ADH5: variants seen among roughly 807,000 people sequenced by gnomAD.
The protein encoded by ADH5 is alcohol dehydrogenase class-3.
A neutral mutation model predicts 40.3 loss-of-function variants in ADH5; 32 were observed. The ratio of observed to expected loss-of-function variants is 0.79; its 90% confidence interval spans 0.60 to 1.07. The LOEUF is 1.07. Ranked by LOEUF, ADH5 falls within the 50% of genes least tolerant of loss-of-function variation. The pLI is 0.00. For missense variants in ADH5, 353 were observed against 460.5 expected, an observed-to-expected ratio of 0.77 and a Z score of 2.14; for synonymous variants, 125 against 154.3, an observed-to-expected ratio of 0.81 and a Z score of 1.41.
Position 99,074,177 on chromosome 4 carries a change from AT to A in ADH5, c.961+736del, listed in dbSNP as rs574585011. On this transcript the variant is annotated intron_variant, in intron 7 of 8. Transcript: ENST00000296412. ...GATCATTCAAAACACACACTATGTG[AT>A]TTTTTTTCTTTAGGAGGAGGATGAA... is the stretch of plus-strand genomic sequence containing the variant. 9.2e-5 allele frequency among the ~76,000 whole-genome samples: 14 copies of A among 152,100 alleles called. 1 individual carries two copies. The South Asian group carries it at 2.7e-3, about 29-fold the overall frequency.
At position 99,072,300 on chromosome 4, in the gene ADH5, A is replaced by C. The variant is rs1727848826; in HGVS notation, c.*117T>G. ...ATTCATGAATGACACACATAACCCT[A>C]TTTTCTGGAGTAGCTGTGAAGCTCT... On this transcript the variant is annotated 3_prime_UTR_variant, in exon 9 of 9. Transcript: ENST00000296412. 5.7e-6 allele frequency: 5 copies of C among 879,882 alleles called. No individual in the cohort carries two copies. Among genetic ancestry groups the C allele is most frequent in the Non-Finnish European group, 7.0e-6 (4 of 568,540 alleles). 54.5% of individuals were successfully genotyped at this position (879,882 alleles called of 1,614,324 possible). A position where few individuals can be genotyped will look rare whatever the true frequency, so the allele number is the denominator to read the frequency against.
At chr4:99,079,406 ACT>A (rs1727985675) in intron 4 of ADH5, among the ~76,000 whole-genome samples, 1 of 139,066 alleles carries the variant, frequency 7.2e-6, no homozygotes, top group African/African-American at 2.7e-5. Flanking sequence ...GCACTGCATG[ACT>A]CTATTTATAC....
At chr4:99,075,179 G>T in intron 6 of ADH5, 130 bp from the exon 7 acceptor site, 3 of 722,366 alleles carry the variant, frequency 4.2e-6, no homozygotes, top group Non-Finnish European at 6.4e-6. Context: ...TTAACATTTA[G>T]TGAGCTCAAT....
At position 99,082,729 on chromosome 4, in the gene ADH5, T is replaced by C. The variant is rs137901610; in HGVS notation, c.115-613A>G. On this transcript the variant is annotated intron_variant, in intron 2 of 8. Transcript: ENST00000296412. ...TCTCGCTCTATCACCCAGGCTGGAG[T>C]GCAGTGGCATGATCTCGGCTCACTG... 7.5e-3 allele frequency among the ~76,000 whole-genome samples: 1,147 copies of C among 152,260 alleles called. 11 individuals carry two copies. Among genetic ancestry groups the C allele is most frequent in the Non-Finnish European group, 9.1e-3 (619 of 68,016 alleles).
Position 99,081,974 on chromosome 4 carries a change from C to T in ADH5, c.256+1G>A. ...ACAAGTGGTTCAAGTATTCTCCTTA[C>T]CCGCCTTCAGCTTAGTAACTCCCTC... On this transcript the variant is annotated splice_donor_variant, in intron 3 of 8. Coordinates refer to ENST00000296412, the MANE Select transcript of ADH5 (RefSeq NM_000671.4). LOFTEE classifies it high-confidence loss of function. The T allele has an allele frequency of 6.8e-6, 11 of 1,613,630 alleles. No homozygotes were observed. Among genetic ancestry groups the T allele is most frequent in the Non-Finnish European group, 9.3e-6 (11 of 1,179,670 alleles).
rs562040312 is a variant in ADH5, at chr4:99,071,163, C to G, written c.*1254G>C. On this transcript the variant is annotated 3_prime_UTR_variant, in exon 9 of 9. Transcript: ENST00000296412. ...TACAAAGTTGAGCACAGGATATGAA[C>G]AGGTTCTTCACAATAAAATGTCCAT... The G allele has an allele frequency of 1.3e-5, 2 of 152,230 alleles. No individual in the cohort carries two copies. The highest frequency in any genetic ancestry group is 4.8e-5 in the African/African-American group (2 of 41,530). 9.4% of individuals were successfully genotyped at this position (152,230 alleles called of 1,614,324 possible). A position where few individuals can be genotyped will look rare whatever the true frequency, so the allele number is the denominator to read the frequency against.
intron 7 of ADH5, among the ~76,000 whole-genome samples, chr4:99,073,202 G>A (rs1054630550): frequency 3.9e-5 from 6 of 152,136 alleles, no homozygotes; most frequent in African/African-American, 9.7e-5. Flanking sequence ...TTTTTGAGAC[G>A]GAGTCTCGCT....
At chr4:99,086,592 T>C (rs1486426812) in intron 1 of ADH5, among the ~76,000 whole-genome samples, 1 of 152,144 alleles carries the variant, frequency 6.6e-6, no homozygotes, top group African/African-American at 2.4e-5. Context: ...AAAAGGTAAT[T>C]ATAAATGGTG....
chr4:99,082,573 G>A (rs1208735809), intron 2 of ADH5, among the ~76,000 whole-genome samples: 3 of 152,152 alleles, frequency 2.0e-5, no homozygotes, highest in Non-Finnish European at 4.4e-5. Flanking sequence ...CTTGAGTCTG[G>A]ACCAAATTTC....
intron 4 of ADH5, among the ~76,000 whole-genome samples, chr4:99,077,884 C>G (rs1009821032): frequency 6.6e-6 from 1 of 152,160 alleles, no homozygotes; most frequent in Non-Finnish European, 1.5e-5. Flanking sequence ...GGTTCAAATC[C>G]TGTGTGATCT....
intron 4 of ADH5, chr4:99,079,819 C>T (rs1390851083): frequency 2.9e-6 from 1 of 347,804 alleles, no homozygotes; most frequent in Non-Finnish European, 5.5e-6. Flanking sequence ...CTCTCACTTA[C>T]TGGGCAGTGG....
chr4:99,085,697 C>T (rs373771174), intron 1 of ADH5: 6 of 176,990 alleles, frequency 3.4e-5, no homozygotes, highest in Middle Eastern at 8.8e-4. Flanking sequence ...GTAACTGCAC[C>T]GGCCAATACA....
chr4:99,072,393 T>C lies in ADH5; in HGVS notation c.*24A>G. ...CTGCTCCTATCACATCACGACAGGA[T>C]GGACATTATTTTTCTCTTTTGAATT... is the stretch of plus-strand genomic sequence containing the variant. On this transcript the variant is annotated 3_prime_UTR_variant, in exon 9 of 9. Transcript: ENST00000296412. The C allele has an allele frequency of 6.2e-7, 1 of 1,611,358 alleles. No individual in the cohort carries two copies. Among genetic ancestry groups the C allele is most frequent in the Non-Finnish European group, 8.5e-7 (1 of 1,178,634 alleles).
chr4:99,076,939 G>A lies in ADH5; in HGVS notation c.345-16C>T, dbSNP rs1579362074. The A allele has an allele frequency of 1.3e-6, 2 of 1,560,032 alleles. No individual in the cohort carries two copies. Among genetic ancestry groups the A allele is most frequent in the Admixed American group, 1.9e-5 (1 of 52,522 alleles). The stretch of plus-strand genomic sequence containing the variant: ...TTGAGTGACTCTAAAGAAAAAAAAA[G>A]GAAAAAGGCAAGTTGGAATTAGGTT... On this transcript the variant is annotated splice_polypyrimidine_tract_variant and intron_variant, in intron 4 of 8. Coordinates refer to ENST00000296412, the MANE Select transcript of ADH5 (RefSeq NM_000671.4).
Position 99,076,774 on chromosome 4 carries a change from G to A in ADH5, c.494C>T (p.Pro165Leu), listed in dbSNP as rs1477178186. 1.2e-6 allele frequency: 2 copies of A among 1,613,980 alleles called. No homozygotes were observed. The highest frequency in any genetic ancestry group is 1.7e-6 in the Non-Finnish European group (2 of 1,179,876). ...ACCTAGAAGGCAGACTTTATCCAAAGGTGCTAAAGGATCTATTTTAGCAAC... is the reference window on the plus strand; with the variant it reads ...ACCTAGAAGGCAGACTTTATCCAAAAGTGCTAAAGGATCTATTTTAGCAAC... ...ISVAKIDPLA[P>L]LDKVCLLGCG... The change falls in exon 5 of 9, where the codon CCT (proline) becomes CTT (leucine). Residue 165 changes from proline to leucine, a missense_variant. Transcript: ENST00000296412.
chr4:99,072,216 T>A lies in ADH5; in HGVS notation c.*201A>T. On this transcript the variant is annotated 3_prime_UTR_variant, in exon 9 of 9. Coordinates refer to ENST00000296412, the MANE Select transcript of ADH5 (RefSeq NM_000671.4). ...CTTAATAAACTAGCAATTATTTATGTGGAGGAGCATCCAGAAAACAGGTTC... is the reference window on the plus strand; with the variant it reads ...CTTAATAAACTAGCAATTATTTATGAGGAGGAGCATCCAGAAAACAGGTTC... The A allele has an allele frequency of 2.1e-6, 1 of 468,874 alleles. No individual in the cohort carries two copies. Among genetic ancestry groups the A allele is most frequent in the Non-Finnish European group, 3.9e-6 (1 of 258,718 alleles). The allele number at this position is 468,874 out of a possible 1,614,324, so 29.0% of individuals were successfully genotyped here.
At chr4:99,080,818 ATTC>A (rs1657998626) in intron 4 of ADH5, 1 of 160,348 alleles carries the variant, frequency 6.2e-6, no homozygotes, top group African/African-American at 2.4e-5. Flanking sequence ...ACAATTATTT[ATTC>A]TTATCATTGT....
chr4:99,088,560 C>G, intron 1 of ADH5, 129 bp downstream of exon 1: 1 of 962,428 alleles, frequency 1.0e-6, no homozygotes, highest in Non-Finnish European at 1.5e-6. Context: ...GCTGGGGGCC[C>G]AGTTTCAGAA....
chr4:99,074,158 T>A (rs1727880464), intron 7 of ADH5, among the ~76,000 whole-genome samples: 1 of 152,160 alleles, frequency 6.6e-6, no homozygotes, highest in South Asian at 2.1e-4. Context: ...CACAGATCAT[T>A]CAAAACACAC....
Sources: gnomAD v4.1 joint callset for allele counts (sites outside exome capture counted in the v4.1 genomes callset) on GRCh38, gnomAD v4.1.1 for gene constraint, MANE v1.5 for transcripts, NCBI Gene and HGNC (gene_info 2026-07-23, HGNC 2026-07-21) for gene names.